CAV3: variants seen among roughly 807,000 people sequenced by gnomAD.
The protein encoded by CAV3 is caveolin 3.
Under a neutral mutation model 13.4 loss-of-function variants are expected in CAV3, and 10 were observed. The ratio of observed to expected loss-of-function variants is 0.75; its 90% confidence interval spans 0.46 to 1.27. The LOEUF (loss-of-function observed/expected upper bound fraction) is 1.27. Among genes scored for constraint, CAV3 ranks in the 50% most tolerant of loss-of-function variants. The pLI, the probability that CAV3 is intolerant of heterozygous loss-of-function variation, is 0.00. For synonymous variants in CAV3, 90 were observed against 79.0 expected (o/e 1.14, Z -0.74); for missense variants, 162 against 194.0 (o/e 0.83, Z 0.98).
At chr3:8,734,304 G>A (rs1707673129) in intron 1 of CAV3, among the ~76,000 whole-genome samples, 2 of 152,142 alleles carry the variant, frequency 1.3e-5, no homozygotes, top group Non-Finnish European at 1.5e-5. Context: ...CTCACTCCTG[G>A]CTCTCACCCT....
chr3:8,742,377 A>G, intron 1 of CAV3: 1 of 350,620 alleles, frequency 2.9e-6, no homozygotes, highest in South Asian at 2.2e-5. Flanking sequence ...AAAAAAAAGA[A>G]GAAGAAGAAG....
intron 1 of CAV3, among the ~76,000 whole-genome samples, chr3:8,734,330 G>A (rs190785579): frequency 1.5e-4 from 23 of 152,170 alleles, no homozygotes; most frequent in Admixed American, 7.2e-4. Context: ...GAACAGGAAC[G>A]GGCGGCCAAG....
rs756611208 is a variant in CAV3, at chr3:8,745,827, T to C, written c.416T>C (p.Val139Ala). 6 of 1,613,584 alleles carry C rather than the reference T, an allele frequency of 3.7e-6. No individual in the cohort carries two copies. The highest frequency in any genetic ancestry group is 3.3e-5 in the Admixed American group (2 of 60,010). Residue 139 changes from valine (V) to alanine (A), a missense_variant, in exon 2 of 2, where the codon GTC becomes GCC. By Grantham distance (64) the Val-to-Ala change is moderately conservative (BLOSUM62 0). Coordinates refer to ENST00000343849, the MANE Select transcript of CAV3 (RefSeq NM_033337.3). This position sits in a 1 kb window ranked among gnomAD's most constrained non-coding sequence, Gnocchi z 4.8. ...CCACTCTTCGCGGCCCTGGGCCAGG[T>C]CTGCAGCAGCATCAAGGTGGTGCTG... ...CNPLFAALGQ[V>A]CSSIKVVLRK...
Position 8,746,197 on chromosome 3 carries a change from A to T in CAV3, c.*330A>T, listed in dbSNP as rs1355068346. ...AGCACGCGGTTCCCACCCGGGGCCA[A>T]CCTCTCCACGCGCACTCAGGAAAGT... is the stretch of plus-strand genomic sequence containing the variant. On this transcript the variant is annotated 3_prime_UTR_variant, in exon 2 of 2. Coordinates refer to ENST00000343849, the MANE Select transcript of CAV3 (RefSeq NM_033337.3). 1 of 252,594 alleles carries T rather than the reference A, an allele frequency of 4.0e-6. No homozygotes were observed. Among genetic ancestry groups the T allele is most frequent in the Non-Finnish European group, 7.7e-6 (1 of 129,202 alleles). 15.6% of individuals were successfully genotyped at this position (252,594 alleles called of 1,614,324 possible). A position where few individuals can be genotyped will look rare whatever the true frequency, so the allele number is the denominator to read the frequency against.
At chr3:8,734,137 C>T (rs1163040476) in intron 1 of CAV3, 147 bp downstream of exon 1, 1 of 655,082 alleles carries the variant, frequency 1.5e-6, no homozygotes, top group Non-Finnish European at 2.8e-6. Context: ...CCCCCAACCC[C>T]ACCCCACCCC....
chr3:8,743,670 G>A (rs1202865208), intron 1 of CAV3, among the ~76,000 whole-genome samples: 1 of 152,102 alleles, frequency 6.6e-6, no homozygotes, highest in East Asian at 1.9e-4. Context: ...TCATCCTCAG[G>A]GATCCCCAGC....
chr3:8,737,791 G>A (rs1339803496), intron 1 of CAV3, among the ~76,000 whole-genome samples: 1 of 152,154 alleles, frequency 6.6e-6, no homozygotes, highest in Non-Finnish European at 1.5e-5. Context: ...GGGTGGGAAT[G>A]TCTGCCAAAG....
At position 8,745,076 on chromosome 3, in the gene CAV3, C is replaced by G. The variant is rs1166437322; in HGVS notation, c.115-450C>G. 5.8e-6 allele frequency: 1 copy of G among 170,970 alleles called. No individual in the cohort carries two copies. Among genetic ancestry groups the G allele is most frequent in the Non-Finnish European group, 1.3e-5 (1 of 78,314 alleles). The allele number at this position is 170,970 out of a possible 1,614,324, so 10.6% of individuals were successfully genotyped here. Reference sequence around the variant, plus strand: ...GAGGTGGGGCCGGGTGGGAGGTGATCGGATCACAGAGGCAGATCCCTCGTG... The same window carrying G: ...GAGGTGGGGCCGGGTGGGAGGTGATGGGATCACAGAGGCAGATCCCTCGTG... On this transcript the variant is annotated intron_variant, in intron 1 of 1. Coordinates refer to ENST00000343849, the MANE Select transcript of CAV3 (RefSeq NM_033337.3). This position sits in a 1 kb window ranked among gnomAD's most constrained non-coding sequence, Gnocchi z 4.8.
intron 1 of CAV3, among the ~76,000 whole-genome samples, chr3:8,744,311 C>G (rs1366231792): frequency 7.0e-6 from 1 of 142,906 alleles, no homozygotes; most frequent in Non-Finnish European, 1.5e-5. Flanking sequence ...TGGAGTCTCG[C>G]TCTGTCACCC....
chr3:8,744,919 CA>C (rs1708101754), intron 1 of CAV3: 1 of 153,330 alleles, frequency 6.5e-6, no homozygotes, highest in African/African-American at 2.4e-5. Context: ...TTGGGCTCAA[CA>C]GGGAGCTTGT....
chr3:8,742,808 T>C (rs1156378656), intron 1 of CAV3, among the ~76,000 whole-genome samples: 2 of 152,242 alleles, frequency 1.3e-5, no homozygotes, highest in Non-Finnish European at 1.5e-5. Flanking sequence ...GGTGGATAGA[T>C]GGATAGATGA....
intron 1 of CAV3, among the ~76,000 whole-genome samples, chr3:8,734,626 G>A (rs965492935): frequency 2.6e-5 from 4 of 152,240 alleles, no homozygotes; most frequent in Admixed American, 6.5e-5. Context: ...AGCGTCTGAA[G>A]TTGGGCCTCT....
chr3:8,737,712 A>C (rs237871), intron 1 of CAV3, among the ~76,000 whole-genome samples: 54,089 of 152,000 alleles, frequency 0.36, 10,344 homozygotes, highest in African/African-American at 0.52. Context: ...AGCACAGGCA[A>C]TGTGCTGTCC....
rs1179427508 is a variant in CAV3, at chr3:8,746,057, C to T, written c.*190C>T. On this transcript the variant is annotated 3_prime_UTR_variant, in exon 2 of 2. Transcript: ENST00000343849. ...CAGCCACAGAAGCACAATGGCCCTT[C>T]GCTCTCCCCCAGCCCCACCATGATG... The T allele has an allele frequency of 6.9e-6, 4 of 582,384 alleles. No individual in the cohort carries two copies. The highest frequency in any genetic ancestry group is 1.2e-5 in the Non-Finnish European group (4 of 326,852). 36.1% of individuals were successfully genotyped at this position (582,384 alleles called of 1,614,324 possible).
intron 1 of CAV3, among the ~76,000 whole-genome samples, chr3:8,740,985 C>T (rs1190785529): frequency 6.6e-6 from 1 of 152,252 alleles, no homozygotes; most frequent in Non-Finnish European, 1.5e-5. Flanking sequence ...CCCAAACTGA[C>T]ATGCATAAAG....
chr3:8,736,792 G>A (rs559290549), intron 1 of CAV3, among the ~76,000 whole-genome samples: 103 of 152,340 alleles, frequency 6.8e-4, no homozygotes, highest in Admixed American at 2.4e-3. Flanking sequence ...AAATAATTTT[G>A]TCCAGAGGAG....
intron 1 of CAV3, among the ~76,000 whole-genome samples, chr3:8,734,284 G>A (rs898715673): frequency 2.6e-5 from 4 of 152,158 alleles, no homozygotes; most frequent in South Asian, 2.1e-4. Flanking sequence ...CTACTGTGAC[G>A]CTCCTGCCAC....
At chr3:8,743,917 AT>A (rs199662898) in intron 1 of CAV3, among the ~76,000 whole-genome samples, 4 of 152,012 alleles carry the variant, frequency 2.6e-5, no homozygotes, top group Non-Finnish European at 4.4e-5. Flanking sequence ...TGATATGGCC[AT>A]TTTTTTTATA....
rs199476330 is a variant in CAV3 at position 8,745,583 on chromosome 3, T to G, written c.172T>G (p.Trp58Gly). ...GGGCACCTACAGCTTTGACGGCGTG[T>G]GGAAGGTGAGCTACACCACCTTCAC... is the stretch of plus-strand genomic sequence containing the variant. The part of the protein sequence containing the change: ...PVGTYSFDGV[W>G]KVSYTTFTVS... Residue 58 changes from tryptophan (W) to glycine (G), a missense_variant, in exon 2 of 2, where the codon TGG becomes GGG. Transcript: ENST00000343849. The surrounding 1 kb of genome is among the most constrained non-coding windows in gnomAD (Gnocchi z 4.8). The G allele has an allele frequency of 6.2e-7, 1 of 1,614,114 alleles. No individual in the cohort carries two copies. Among genetic ancestry groups the G allele is most frequent in the Admixed American group, 1.7e-5 (1 of 60,018 alleles).
Sources: allele counts gnomAD v4.1 joint callset (sites outside exome capture counted in the v4.1 genomes callset), GRCh38; gene constraint gnomAD v4.1.1; non-coding constraint Gnocchi (gnomAD v3.1); transcripts MANE v1.5; gene names NCBI Gene and HGNC (gene_info 2026-07-23, HGNC 2026-07-21).